ZNF138: variants seen among roughly 807,000 people sequenced by gnomAD.
ZNF138 encodes the protein zinc finger protein 138, also known as zinc finger protein 138 (clone pHZ-32).
ZNF138 carries 33 observed loss-of-function variants against 33.0 expected under a neutral mutation model. The observed-to-expected ratio is 1.00, with a 90% CI of 0.76 to 1.34. The LOEUF is 1.34. Ranked by LOEUF, ZNF138 falls within the 40% of genes most tolerant of loss-of-function variation. The pLI is 0.00. For missense variants in ZNF138, 360 were observed against 370.8 expected (o/e 0.97, Z 0.24); for synonymous variants, 139 against 120.4 (o/e 1.15, Z -1.01).
chr7:64,853,279 G>A, the ZNF138 span: 4 of 1,611,930 alleles, frequency 2.5e-6, no homozygotes, highest in Non-Finnish European at 2.5e-6. Context: ...GTGCCCTTCA[G>A]TTCAGTGAAT....
At chr7:64,814,761 T>C (rs1032787326) in intron 1 of ZNF138, among the ~76,000 whole-genome samples, 157 bp from the exon 2 acceptor site, 2 of 133,848 alleles carry the variant, frequency 1.5e-5, no homozygotes, top group African/African-American at 5.1e-5. Flanking sequence ...AGACTCTGTC[T>C]CAAAAAAAAA....
chr7:64,860,487 T>C, the ZNF138 span, among the ~76,000 whole-genome samples: 178 of 152,342 alleles, frequency 1.2e-3, no homozygotes, highest in Non-Finnish European at 2.0e-3. Flanking sequence ...TTAGGGCCAT[T>C]AATGTAATTA....
At chr7:64,834,200 C>T (rs528623361), downstream of ZNF138, among the ~76,000 whole-genome samples, 65 of 152,230 alleles carry the variant, frequency 4.3e-4, no homozygotes, top group African/African-American at 1.5e-3. Context: ...CGGAGAAAAA[C>T]TACAAATGTA....
chr7:64,813,068 A>G (rs979309055), intron 1 of ZNF138, among the ~76,000 whole-genome samples: 1 of 152,034 alleles, frequency 6.6e-6, no homozygotes, highest in East Asian at 1.9e-4. Flanking sequence ...CCTTCCCTAC[A>G]TTCTCTACAT....
At chr7:64,830,429 G>T (rs889400557) in intron 3 of ZNF138, among the ~76,000 whole-genome samples, 1 of 151,868 alleles carries the variant, frequency 6.6e-6, no homozygotes, top group African/African-American at 2.4e-5. Flanking sequence ...TACACTAGTG[G>T]AGTATTATTC....
chr7:64,827,118 T>C (rs572103891), intron 3 of ZNF138, among the ~76,000 whole-genome samples: 1,970 of 152,258 alleles, frequency 0.013, 42 homozygotes, highest in African/African-American at 0.045. Flanking sequence ...AGCATTTTTT[T>C]TTTTTAATAT....
the ZNF138 span, among the ~76,000 whole-genome samples, chr7:64,845,411 A>G: frequency 0.51 from 77,670 of 152,078 alleles, 20,293 homozygotes; most frequent in South Asian, 0.66. Context: ...TCTTTTTTGT[A>G]TAATAACTTT....
chr7:64,798,022 C>T (rs773666493), intron 1 of ZNF138, among the ~76,000 whole-genome samples: 30 of 152,228 alleles, frequency 2.0e-4, no homozygotes, highest in Non-Finnish European at 3.4e-4. Context: ...CTCACTGCAA[C>T]CTCTGCCTCC....
intron 1 of ZNF138, among the ~76,000 whole-genome samples, chr7:64,812,264 T>C (rs1036129292): frequency 6.6e-6 from 1 of 152,078 alleles, no homozygotes; most frequent in African/African-American, 2.4e-5. Context: ...GTTCAAGTGA[T>C]TCTCCTGCTT....
rs1366669541 is a variant in ZNF138 at position 64,808,636 on chromosome 7, A to G, written c.4-6282A>G. ...TATTGATAATTCTTGGGTGTTTCTC[A>G]CAGAGGGGGATTTGGCAGGGTCATA... On this transcript the variant is annotated intron_variant, in intron 1 of 3. Transcript: ENST00000307355. Among the ~76,000 whole-genome samples the G allele has an allele frequency of 2.7e-5, 4 of 149,470 alleles. No homozygotes were observed. In the East Asian group the frequency reaches 6.0e-4, roughly 22 times the overall value.
At chr7:64,831,141 G>A in intron 3 of ZNF138, 2 of 1,535,766 alleles carry the variant, frequency 1.3e-6, no homozygotes, top group Non-Finnish European at 1.8e-6. Context: ...TACTTCTAGA[G>A]GCACTATGTT....
chr7:64,850,151 T>C, the ZNF138 span, among the ~76,000 whole-genome samples: 2 of 152,238 alleles, frequency 1.3e-5, no homozygotes, highest in Admixed American at 1.3e-4. Flanking sequence ...TGTATTTAGC[T>C]CAGCTCTCTA....
chr7:64,805,727 C>A (rs1208372223), intron 1 of ZNF138, among the ~76,000 whole-genome samples: 1 of 152,212 alleles, frequency 6.6e-6, no homozygotes, highest in Non-Finnish European at 1.5e-5. Context: ...AAAGATAGCA[C>A]CCTCTTCAAC....
chr7:64,848,825 C>G, the ZNF138 span, among the ~76,000 whole-genome samples: 1,732 of 151,348 alleles, frequency 0.011, 27 homozygotes, highest in African/African-American at 0.039. Flanking sequence ...CTGCCTCAGC[C>G]TCCTGAGTAG....
chr7:64,853,815 T>A, the ZNF138 span, among the ~76,000 whole-genome samples: 1 of 151,966 alleles, frequency 6.6e-6, no homozygotes, highest in Non-Finnish European at 1.5e-5. Context: ...GGTGTTATTA[T>A]CCTCAGTTTG....
At chr7:64,860,750 A>G in the ZNF138 span, among the ~76,000 whole-genome samples, 4 of 152,220 alleles carry the variant, frequency 2.6e-5, no homozygotes, top group African/African-American at 4.8e-5. Context: ...GTAAGTAACA[A>G]TGAAAATTAT....
At chr7:64,830,827 C>A in intron 3 of ZNF138, 3 of 1,211,958 alleles carry the variant, frequency 2.5e-6, no homozygotes, top group Non-Finnish European at 3.3e-6. Context: ...GTCTTTCAGA[C>A]ATGTTCTTAG....
the ZNF138 span, among the ~76,000 whole-genome samples, chr7:64,843,890 C>T: frequency 0.99 from 149,904 of 152,042 alleles, 73,935 homozygotes; most frequent in East Asian, 1. Flanking sequence ...AGTGGTGTGA[C>T]CTTGGCTCAC....
intron 1 of ZNF138, among the ~76,000 whole-genome samples, chr7:64,797,809 A>T (rs1786810836): frequency 6.6e-6 from 1 of 152,258 alleles, no homozygotes; most frequent in Admixed American, 6.5e-5. Context: ...AGGAAGTACC[A>T]ACTATATAAT....
Sources: allele counts gnomAD v4.1 joint callset (sites outside exome capture counted in the v4.1 genomes callset), GRCh38; gene constraint gnomAD v4.1.1; transcripts MANE v1.5; gene names NCBI Gene and HGNC (gene_info 2026-07-23, HGNC 2026-07-21).